Variants in ADAMTS2 observed in about 807,000 individuals in gnomAD.
The protein encoded by ADAMTS2 is A disintegrin and metalloproteinase with thrombospondin motifs 2.
In ADAMTS2, 50 loss-of-function variants were observed where a neutral mutation model predicts 123.0. That is an observed-to-expected ratio of 0.41 (90% confidence interval 0.32 to 0.51). ADAMTS2 has a LOEUF of 0.51. Ranked by LOEUF, ADAMTS2 falls within the 20% of genes least tolerant of loss-of-function variation. ADAMTS2 has a pLI of 0.35. For missense variants in ADAMTS2, 1,494 were observed against 1,705.2 expected (o/e 0.88, Z 2.18); for synonymous variants, 678 against 695.4 (o/e 0.98, Z 0.39).
Position 179,303,998 on chromosome 5 carries a change from G to A in ADAMTS2, c.535-30934C>T, listed in dbSNP as rs1039193937. On this transcript the variant is annotated intron_variant, in intron 2 of 21. Coordinates refer to ENST00000251582, the MANE Select transcript of ADAMTS2 (RefSeq NM_014244.5). The surrounding 1 kb of genome is among the most constrained non-coding windows in gnomAD (Gnocchi z 4.7). ...TCGTGCTTGAGCCGTGCACGAGTGG[G>A]TCTGACCCTAAACAACACGCCATAG... Among the ~76,000 whole-genome samples the A allele has an allele frequency of 1.3e-5, 2 of 152,174 alleles. No homozygotes were observed. Among genetic ancestry groups the A allele is most frequent in the Non-Finnish European group, 2.9e-5 (2 of 68,026 alleles).
chr5:179,238,244 T>C (rs1176990616), intron 3 of ADAMTS2, among the ~76,000 whole-genome samples: 1 of 152,184 alleles, frequency 6.6e-6, no homozygotes. Flanking sequence ...CAGACGTCTC[T>C]CCAGGGAGCT....
chr5:179,342,595 T>TACCTCAGCC (rs1757807142), intron 2 of ADAMTS2, among the ~76,000 whole-genome samples: 2 of 152,340 alleles, frequency 1.3e-5, no homozygotes, highest in South Asian at 4.1e-4. Flanking sequence ...GCTGCCCGAG[T>TACCTCAGCC]ACGGGCGTGC....
At chr5:179,340,104 A>G (rs868483506) in intron 2 of ADAMTS2, among the ~76,000 whole-genome samples, 4 of 152,216 alleles carry the variant, frequency 2.6e-5, no homozygotes, top group Admixed American at 6.5e-5. Context: ...GGGCAGCCCT[A>G]TCTCACAGGG....
At position 179,134,347 on chromosome 5, in the gene ADAMTS2, C is replaced by T. The variant is rs565098952; in HGVS notation, c.2086-1447G>A. 7.9e-5 allele frequency among the ~76,000 whole-genome samples: 12 copies of T among 152,234 alleles called. No individual in the cohort carries two copies. In the East Asian group the frequency reaches 1.5e-3, roughly 20 times the overall value. On this transcript the variant is annotated intron_variant, in intron 13 of 21. Coordinates refer to ENST00000251582, the MANE Select transcript of ADAMTS2 (RefSeq NM_014244.5). ...AAGCCAGCCAGTCTTCAGTCTATAC[C>T]CCAAGCACCTCCTTTATCCAGGACT...
intron 4 of ADAMTS2, among the ~76,000 whole-genome samples, chr5:179,201,145 G>T (rs572988238): frequency 6.6e-6 from 1 of 152,310 alleles, no homozygotes; most frequent in African/African-American, 2.4e-5. Flanking sequence ...GCTCAATGAA[G>T]CGGGAATAGA....
At position 179,113,822 on chromosome 5, in the gene ADAMTS2, C is replaced by G. The variant is rs773667946; in HGVS notation, c.*45G>C. 5.7e-6 allele frequency: 9 copies of G among 1,586,920 alleles called. No individual in the cohort carries two copies. In the South Asian group the frequency reaches 1.0e-4, roughly 18 times the overall value. ...GGATTTGCTATCCCATGGAATATCT[C>G]TATAAGCAAGAAAAAAATGCTAGGG... On this transcript the variant is annotated 3_prime_UTR_variant, in exon 22 of 22. Transcript: ENST00000251582.
chr5:179,297,835 C>T (rs1320041168), intron 2 of ADAMTS2, among the ~76,000 whole-genome samples: 4 of 152,112 alleles, frequency 2.6e-5, no homozygotes, highest in African/African-American at 7.2e-5. Flanking sequence ...CTCTAAAGTC[C>T]TCTCTCAGCC....
chr5:179,116,868 G>T (rs1162162632), intron 21 of ADAMTS2, among the ~76,000 whole-genome samples: 1 of 152,112 alleles, frequency 6.6e-6, no homozygotes, highest in Non-Finnish European at 1.5e-5. Context: ...AAAACCCATC[G>T]GCCATCAGGA....
At chr5:179,213,297 C>T (rs889522115) in intron 3 of ADAMTS2, among the ~76,000 whole-genome samples, 1 of 152,214 alleles carries the variant, frequency 6.6e-6, no homozygotes, top group African/African-American at 2.4e-5. Flanking sequence ...CCGACAGCAC[C>T]CCGTGCTCTT....
rs532321283 is a variant in ADAMTS2, at chr5:179,317,134, T to A, written c.534+26633A>T. Among the ~76,000 whole-genome samples, 2 of 151,910 alleles carry A rather than the reference T, an allele frequency of 1.3e-5. No homozygotes were observed. The highest frequency in any genetic ancestry group is 4.8e-5 in the African/African-American group (2 of 41,408). On this transcript the variant is annotated intron_variant, in intron 2 of 21. Transcript: ENST00000251582. This position sits in a 1 kb window ranked among gnomAD's most constrained non-coding sequence, Gnocchi z 4.9. ...GAGCCCCAACCCCACGTGGCCTGGG[T>A]CCCCACAGCCTCCAGCCCTCCTGTC...
At chr5:179,135,041 A>G (rs1308742287) in intron 13 of ADAMTS2, among the ~76,000 whole-genome samples, 10 of 32,892 alleles carry the variant, frequency 3.0e-4, no homozygotes, top group African/African-American at 1.0e-3. Flanking sequence ...TCCAGCCCCC[A>G]GCTCCCGGCT....
chr5:179,258,929 T>A (rs375090434), intron 3 of ADAMTS2, among the ~76,000 whole-genome samples: 2 of 152,170 alleles, frequency 1.3e-5, no homozygotes, highest in Non-Finnish European at 2.9e-5. Flanking sequence ...ACGATGGCGC[T>A]GAGGGGCTGA....
chr5:179,206,799 C>T (rs1764708544), intron 4 of ADAMTS2, among the ~76,000 whole-genome samples: 1 of 152,180 alleles, frequency 6.6e-6, no homozygotes, highest in Admixed American at 6.5e-5. Context: ...GCACCTCCTG[C>T]TTAGGTTGTT....
In ADAMTS2 at chr5:179,272,971, C is replaced by A; in HGVS notation, c.628G>T (p.Val210Leu). The change falls in exon 3 of 22, where the codon GTG becomes TTG. Residue 210 changes from valine to leucine, a missense_variant. Transcript: ENST00000251582. The surrounding 1 kb of genome is among the most constrained non-coding windows in gnomAD (Gnocchi z 5.8). The part of the protein sequence containing the change: ...AQEAEQGRVH[V>L]VYRRPPTSPP... The stretch of plus-strand genomic sequence containing the variant: ...GACGTGGGTGGCCGGCGATACACCA[C>A]ATGCACACGGCCTTGCTCAGCCTCC... 6.2e-7 allele frequency: 1 copy of A among 1,613,032 alleles called. No homozygotes were observed. Among genetic ancestry groups the A allele is most frequent in the South Asian group, 1.1e-5 (1 of 91,072 alleles).
At chr5:179,288,626 G>A (rs569738962) in intron 2 of ADAMTS2, among the ~76,000 whole-genome samples, 72 of 152,330 alleles carry the variant, frequency 4.7e-4, no homozygotes, top group Non-Finnish European at 7.9e-4. Flanking sequence ...GACAGCAGCC[G>A]CCAGGGCCCT....
intron 3 of ADAMTS2, among the ~76,000 whole-genome samples, chr5:179,255,703 G>A (rs1482362499): frequency 3.9e-5 from 6 of 152,150 alleles, no homozygotes; most frequent in South Asian, 2.1e-4. Flanking sequence ...GCTGGGGCCC[G>A]CCTCACCTCC....
chr5:179,145,390 C>T (rs368107057), intron 10 of ADAMTS2, among the ~76,000 whole-genome samples: 6 of 152,230 alleles, frequency 3.9e-5, no homozygotes, highest in African/African-American at 1.2e-4. Flanking sequence ...CCAAGAAAAA[C>T]GACCCATGCA....
chr5:179,200,883 T>TAC (rs1561801964), intron 4 of ADAMTS2, among the ~76,000 whole-genome samples: 1 of 152,058 alleles, frequency 6.6e-6, no homozygotes, highest in African/African-American at 2.4e-5. Context: ...AGACAAAAAG[T>TAC]TTATCTACTT....
At chr5:179,248,439 G>T (rs1314800263) in intron 3 of ADAMTS2, among the ~76,000 whole-genome samples, 1 of 152,000 alleles carries the variant, frequency 6.6e-6, no homozygotes, top group Non-Finnish European at 1.5e-5. Flanking sequence ...TCAGAGAATG[G>T]GAGAATGGAT....
Sources: allele counts gnomAD v4.1 joint callset (sites outside exome capture counted in the v4.1 genomes callset), GRCh38; gene constraint gnomAD v4.1.1; non-coding constraint Gnocchi (gnomAD v3.1); transcripts MANE v1.5; gene names NCBI Gene and HGNC (gene_info 2026-07-23, HGNC 2026-07-21).